FAM76A: variants seen among roughly 807,000 people sequenced by gnomAD.
The protein encoded by FAM76A is protein FAM76A.
In FAM76A, 32 loss-of-function variants were observed where a neutral mutation model predicts 46.2. That is an observed-to-expected ratio of 0.69 (90% confidence interval 0.52 to 0.93). FAM76A has a LOEUF of 0.93. Among genes scored for constraint, FAM76A ranks in the 40% least tolerant of loss-of-function variants. The pLI is 0.00. For missense variants in FAM76A, 274 were observed against 361.5 expected (o/e 0.76, Z 1.96); for synonymous variants, 137 against 127.0 (o/e 1.08, Z -0.53).
intron 4 of FAM76A, chr1:27,740,704 CAT>C: frequency 4.3e-6 from 2 of 466,756 alleles, no homozygotes; most frequent in Non-Finnish European, 7.7e-6. Flanking sequence ...ACTACCAAAT[CAT>C]ATTGCAGCTG....
chr1:27,757,566 A>C (rs1571501006), intron 7 of FAM76A, among the ~76,000 whole-genome samples: 1 of 152,078 alleles, frequency 6.6e-6, no homozygotes, highest in Non-Finnish European at 1.5e-5. Context: ...TGGGGGTCTC[A>C]CCATGTTGGC....
At chr1:27,729,369 A>C (rs2087917620) in intron 2 of FAM76A, among the ~76,000 whole-genome samples, 1 of 151,752 alleles carries the variant, frequency 6.6e-6, no homozygotes, top group African/African-American at 2.4e-5. Flanking sequence ...CACCACACCC[A>C]GCTTTTTTTT....
At chr1:27,759,390 C>T in intron 7 of FAM76A, 136 bp from the exon 8 acceptor site, 1 of 537,726 alleles carries the variant, frequency 1.9e-6, no homozygotes, top group Non-Finnish European at 3.3e-6. Flanking sequence ...TGTGGAATTC[C>T]CTGGTTTTGA....
chr1:27,726,296 A>G, intron 1 of FAM76A, 135 bp downstream of exon 1: 1 of 754,368 alleles, frequency 1.3e-6, no homozygotes, highest in Non-Finnish European at 1.8e-6. Flanking sequence ...AGCCGCACCC[A>G]CCCCGCTGGG....
intron 2 of FAM76A, among the ~76,000 whole-genome samples, chr1:27,730,909 A>G (rs1326303261): frequency 1.3e-5 from 2 of 150,838 alleles, no homozygotes; most frequent in East Asian, 4.0e-4. Context: ...TTGAACTCCC[A>G]GGCTGAGCCT....
rs550669595 is a variant in FAM76A, at chr1:27,761,464, T to C, written c.*883T>C. Reference sequence around the variant, plus strand: ...TAGCAAAGATTTGAACCGTCTGTCTTTTTAAGTAAGGGCAGAAAGCAAGGT... The same window carrying C: ...TAGCAAAGATTTGAACCGTCTGTCTCTTTAAGTAAGGGCAGAAAGCAAGGT... On this transcript the variant is annotated 3_prime_UTR_variant, in exon 9 of 9. Transcript: ENST00000373954. The C allele has an allele frequency of 3.9e-5, 6 of 152,730 alleles. 1 individual carries two copies. The South Asian group carries it at 1.2e-3, about 32-fold the overall frequency. 9.5% of individuals were successfully genotyped at this position (152,730 alleles called of 1,614,324 possible). A position where few individuals can be genotyped will look rare whatever the true frequency, so the allele number is the denominator to read the frequency against.
At chr1:27,748,450 G>A (rs1241317729) in intron 5 of FAM76A, among the ~76,000 whole-genome samples, 1 of 143,058 alleles carries the variant, frequency 7.0e-6, no homozygotes, top group Non-Finnish European at 1.5e-5. Flanking sequence ...CTAGAAGACA[G>A]ATTATACTTC....
intron 6 of FAM76A, 44 bp from the exon 7 acceptor site, chr1:27,755,151 T>C (rs904115582): frequency 6.2e-7 from 1 of 1,608,870 alleles, no homozygotes. Flanking sequence ...GAGAAAAGTT[T>C]ATCCATCCAA....
rs955370732 is a variant in FAM76A, at chr1:27,761,181, T to C, written c.*600T>C. 6.6e-6 allele frequency: 1 copy of C among 152,446 alleles called. No individual in the cohort carries two copies. The highest frequency in any genetic ancestry group is 1.5e-5 in the Non-Finnish European group (1 of 68,014). The allele number at this position is 152,446 out of a possible 1,614,324, so 9.4% of individuals were successfully genotyped here. On this transcript the variant is annotated 3_prime_UTR_variant, in exon 9 of 9. Transcript: ENST00000373954. ...TGTACTATGTATAGCCAGAGTTTTA[T>C]TTATTTTTTAAAAAAGAAACTTTTT...
At chr1:27,744,623 T>C (rs765763310) in intron 4 of FAM76A, 31 bp from the exon 5 acceptor site, 1 of 1,610,706 alleles carries the variant, frequency 6.2e-7, no homozygotes, top group Admixed American at 1.7e-5. Context: ...CTAAATTCCC[T>C]CTTCTTTATC....
At chr1:27,739,465 G>C in intron 4 of FAM76A, 1 of 441,958 alleles carries the variant, frequency 2.3e-6, no homozygotes, top group Non-Finnish European at 4.4e-6. Flanking sequence ...ATTATGTCTC[G>C]ATTTTCTGAT....
intron 6 of FAM76A, among the ~76,000 whole-genome samples, chr1:27,751,498 C>A (rs201146037): frequency 7.6e-6 from 1 of 131,012 alleles, no homozygotes; most frequent in African/African-American, 2.8e-5. Context: ...CTACCCATTT[C>A]TTTTTTTTTT....
At position 27,732,666 on chromosome 1, in the gene FAM76A, G is replaced by C. The variant is rs1339796932; in HGVS notation, c.201+9G>C. On this transcript the variant is annotated intron_variant, in intron 3 of 8. Transcript: ENST00000373954. ...TGCAGTTGTATGGAACGGTAAGTAG[G>C]ATATTTTCAAACCTAACAGTGAGTA... The C allele has an allele frequency of 3.1e-6, 5 of 1,603,962 alleles. No individual in the cohort carries two copies. The highest frequency in any genetic ancestry group is 4.3e-6 in the Non-Finnish European group (5 of 1,172,376).
At chr1:27,744,620 C>A (rs1436711309) in intron 4 of FAM76A, 34 bp from the exon 5 acceptor site, 1 of 1,610,148 alleles carries the variant, frequency 6.2e-7, no homozygotes, top group South Asian at 1.1e-5. Flanking sequence ...GCGCTAAATT[C>A]CCTCTTCTTT....
At chr1:27,760,406 C>T in intron 8 of FAM76A, 89 bp from the exon 9 acceptor site, 3 of 995,928 alleles carry the variant, frequency 3.0e-6, no homozygotes, top group Non-Finnish European at 4.4e-6. Context: ...TCCACATTGT[C>T]TGCCTTAGCA....
At chr1:27,729,018 G>A (rs1214380854) in intron 2 of FAM76A, among the ~76,000 whole-genome samples, 3 of 151,262 alleles carry the variant, frequency 2.0e-5, no homozygotes, top group Non-Finnish European at 4.4e-5. Flanking sequence ...TCTTTAGGGG[G>A]CATTTCCATA....
chr1:27,748,932 T>A (rs2088290416), intron 5 of FAM76A, 136 bp from the exon 6 acceptor site: 3 of 574,000 alleles, frequency 5.2e-6, no homozygotes, highest in Non-Finnish European at 6.1e-6. Flanking sequence ...TGGTAGATTC[T>A]TTATTAATCA....
Position 27,760,575 on chromosome 1 carries a change from T to C in FAM76A, c.918T>C (p.Ser306=). 6.2e-7 allele frequency: 1 copy of C among 1,610,088 alleles called. No homozygotes were observed. Among genetic ancestry groups the C allele is most frequent in the Non-Finnish European group, 8.5e-7 (1 of 1,177,680 alleles). ...KKSEKSGAIT[S]P ...CAGAGAAGTCAGGAGCTATAACCTC[T>C]CCATGACAGACCTCAAGGAGGCTCC... Residue 306 remains serine, a synonymous_variant, in exon 9 of 9, where the codon TCT becomes TCC. Coordinates refer to ENST00000373954, the MANE Select transcript of FAM76A (RefSeq NM_152660.3).
chr1:27,739,756 C>T (rs1428282480), intron 4 of FAM76A, among the ~76,000 whole-genome samples: 1 of 152,180 alleles, frequency 6.6e-6, no homozygotes, highest in African/African-American at 2.4e-5. Flanking sequence ...CCAGTGCACT[C>T]CAGCCTGGGC....
Sources: allele counts gnomAD v4.1 joint callset (sites outside exome capture counted in the v4.1 genomes callset), GRCh38; gene constraint gnomAD v4.1.1; transcripts MANE v1.5; gene names NCBI Gene and HGNC (gene_info 2026-07-23, HGNC 2026-07-21).